The following GRAMD4 variants were observed in gnomAD, a reference collection of about 807,000 sequenced individuals.
The protein encoded by GRAMD4 is GRAM domain-containing protein 4.
In GRAMD4, 25 loss-of-function variants were observed where a neutral mutation model predicts 83.9. That is an observed-to-expected ratio of 0.30 (90% CI 0.22 to 0.42). The LOEUF is 0.42. Among genes scored for constraint, GRAMD4 ranks in the 10% least tolerant of loss-of-function variants. The pLI is 1.00. For synonymous variants in GRAMD4, 336 were observed against 320.9 expected, an observed-to-expected ratio of 1.05 and a Z score of -0.50; for missense variants, 593 against 788.7, an observed-to-expected ratio of 0.75 and a Z score of 2.97.
intron 17 of GRAMD4, among the ~76,000 whole-genome samples, chr22:46,676,278 C>T (rs1162000247): frequency 6.6e-6 from 1 of 152,332 alleles, no homozygotes; most frequent in South Asian, 2.1e-4. Context: ...AGATGGCCCT[C>T]CTGGTGCCAG....
Position 46,674,730 on chromosome 22 carries a change from G to A in GRAMD4, c.1458G>A (p.Gly486=). The A allele has an allele frequency of 6.2e-7, 1 of 1,611,400 alleles. No homozygotes were observed. Among genetic ancestry groups the A allele is most frequent in the Non-Finnish European group, 8.5e-7 (1 of 1,178,254 alleles). The change falls in exon 16 of 19, where the codon GGG becomes GGA. Residue 486 remains glycine (G), a synonymous_variant. Transcript: ENST00000406902. ...TGCCCACGGACTACATCAGGAACGG[G>A]GTGCTCTACGTCACGGAGAAGTGAG... The part of the protein sequence containing the change: ...RKMPTDYIRN[G]VLYVTENYLC...
intron 1 of GRAMD4, among the ~76,000 whole-genome samples, chr22:46,580,501 G>A (rs1394663237): frequency 1.3e-5 from 2 of 152,172 alleles, no homozygotes; most frequent in African/African-American, 4.8e-5. Flanking sequence ...GATCTCCCAA[G>A]GGGACAGTTA....
chr22:46,656,072 G>A (rs2082240372), intron 3 of GRAMD4, among the ~76,000 whole-genome samples: 1 of 152,090 alleles, frequency 6.6e-6, no homozygotes, highest in South Asian at 2.1e-4. Context: ...CCTCCACGGG[G>A]AGGGTCTTCT....
chr22:46,648,843 GATGC>G (rs1569288417), intron 3 of GRAMD4, among the ~76,000 whole-genome samples: 19 of 137,262 alleles, frequency 1.4e-4, no homozygotes, highest in Admixed American at 4.3e-4. Flanking sequence ...TGGATGGATG[GATGC>G]ATGGATGGAT....
upstream of GRAMD4, among the ~76,000 whole-genome samples, chr22:46,615,991 G>C (rs1256053604): frequency 7.6e-6 from 1 of 132,236 alleles, no homozygotes; most frequent in African/African-American, 3.0e-5. Flanking sequence ...TGTGCTTGTG[G>C]GTTCCCCCGT....
chr22:46,580,030 G>T (rs1242552013), intron 1 of GRAMD4, among the ~76,000 whole-genome samples: 1 of 152,198 alleles, frequency 6.6e-6, no homozygotes, highest in Admixed American at 6.5e-5. Flanking sequence ...CCTGCAAGGC[G>T]GCCCAAGAGG....
intron 1 of GRAMD4, among the ~76,000 whole-genome samples, chr22:46,600,578 A>G (rs2081302941): frequency 6.6e-6 from 1 of 152,182 alleles, no homozygotes; most frequent in Non-Finnish European, 1.5e-5. Context: ...TGGGGGAAGC[A>G]CAGACAGTGC....
chr22:46,673,903 G>C (rs529728151), intron 15 of GRAMD4, 89 bp downstream of exon 15: 2 of 1,430,192 alleles, frequency 1.4e-6, no homozygotes, highest in African/African-American at 2.8e-5. Context: ...GGACGGGGTC[G>C]CCCTGTGACA....
At chr22:46,680,821 T>TCCAG (rs1208306371), downstream of GRAMD4, among the ~76,000 whole-genome samples, 3 of 71,054 alleles carry the variant, frequency 4.2e-5, no homozygotes, top group Admixed American at 1.6e-4. Flanking sequence ...CATCCATCCA[T>TCCAG]CCATCCATCC....
At chr22:46,616,923 C>CGT (rs1569263351), upstream of GRAMD4, among the ~76,000 whole-genome samples, 73 of 3,722 alleles carry the variant, frequency 0.02, 31 homozygotes, top group Admixed American at 0.057. Context: ...TTCCCCTGTG[C>CGT]GTATAGGTTC....
chr22:46,681,205 G>A (rs1317055973), downstream of GRAMD4, among the ~76,000 whole-genome samples: 6 of 151,990 alleles, frequency 3.9e-5, no homozygotes, highest in African/African-American at 1.2e-4. Context: ...CCCATGGCAG[G>A]TGTCACTGGA....
Position 46,632,837 on chromosome 22 carries a change from T to C in GRAMD4, c.163-5003T>C, listed in dbSNP as rs1296415333. On this transcript the variant is annotated intron_variant, in intron 2 of 18. Coordinates refer to ENST00000406902, the MANE Select transcript of GRAMD4 (RefSeq NM_015124.5). ...GTTGGCACATGTGGATGGAGCCGGG[T>C]CACCCGCACGACGCTGCCTGTGCTT... Among the ~76,000 whole-genome samples, 3 of 152,140 alleles carry C rather than the reference T, an allele frequency of 2.0e-5. No homozygotes were observed. The East Asian group carries it at 5.8e-4, about 29-fold the overall frequency.
intron 1 of GRAMD4, among the ~76,000 whole-genome samples, chr22:46,591,018 C>T (rs1202552746): frequency 2.6e-5 from 4 of 151,774 alleles, no homozygotes; most frequent in African/African-American, 9.7e-5. Context: ...CAAGATCGTG[C>T]CACCGGACTC....
rs184800376 is a variant in GRAMD4 at position 46,580,763 on chromosome 22, A to G, written c.-50+3473A>G. 6.5e-3 allele frequency among the ~76,000 whole-genome samples: 983 copies of G among 152,252 alleles called. 6 individuals carry two copies. The highest frequency in any genetic ancestry group is 0.011 in the Non-Finnish European group (749 of 68,020). On this transcript the variant is annotated intron_variant, in intron 1 of 1. Transcript: ENST00000431155. ...GCAGATCACCTGAGGTCGGGAATTCAAGACCAGCCTGACCAACATGGAGAA... is the reference window on the plus strand; with the variant it reads ...GCAGATCACCTGAGGTCGGGAATTCGAGACCAGCCTGACCAACATGGAGAA...
At chr22:46,629,695 G>T (rs1024769115) in intron 2 of GRAMD4, among the ~76,000 whole-genome samples, 22 of 152,318 alleles carry the variant, frequency 1.4e-4, no homozygotes, top group Non-Finnish European at 3.1e-4. Context: ...CACTAAAAGT[G>T]TGCGACTCAG....
At chr22:46,618,127 C>T (rs866113716), upstream of GRAMD4, among the ~76,000 whole-genome samples, 67 of 151,732 alleles carry the variant, frequency 4.4e-4, no homozygotes, top group Middle Eastern at 0.014. The surrounding 1 kb of genome is among the most constrained non-coding windows in gnomAD (Gnocchi z 5.8). Context: ...GTGTGTCGCT[C>T]CCTCACTCTC....
At chr22:46,680,049 A>C (rs1380981607), downstream of GRAMD4, among the ~76,000 whole-genome samples, 1 of 152,224 alleles carries the variant, frequency 6.6e-6, no homozygotes, top group East Asian at 1.9e-4. Context: ...AGAAGACAGG[A>C]GGCCAGGTGG....
chr22:46,668,604 C>T (rs911772489), intron 11 of GRAMD4, 85 bp from the exon 12 acceptor site: 21 of 1,294,130 alleles, frequency 1.6e-5, no homozygotes, highest in Admixed American at 6.7e-5. Flanking sequence ...CAGGGCTGCC[C>T]GACCTGGAGG....
chr22:46,583,382 A>G (rs1271061061), intron 1 of GRAMD4, among the ~76,000 whole-genome samples: 3 of 152,240 alleles, frequency 2.0e-5, no homozygotes, highest in Non-Finnish European at 4.4e-5. Flanking sequence ...ATATTGATAC[A>G]TTATCATTAG....
Sources: allele counts gnomAD v4.1 joint callset (sites outside exome capture counted in the v4.1 genomes callset), GRCh38; gene constraint gnomAD v4.1.1; non-coding constraint Gnocchi (gnomAD v3.1); transcripts MANE v1.5; gene names NCBI Gene and HGNC (gene_info 2026-07-23, HGNC 2026-07-21).